The following TLE4 variants were observed in gnomAD, a reference collection of about 807,000 sequenced individuals.
The protein encoded by TLE4 is transducin-like enhancer protein 4.
Under a neutral mutation model 92.8 loss-of-function variants are expected in TLE4, and 8 were observed. The ratio of observed to expected loss-of-function variants is 0.09; its 90% CI spans 0.05 to 0.16. TLE4 has a LOEUF of 0.16. Among genes scored for constraint, TLE4 ranks in the 10% least tolerant of loss-of-function variants. The pLI, the probability that TLE4 is intolerant of heterozygous loss-of-function variation, is 1.00. For synonymous variants in TLE4, 371 were observed against 374.1 expected, an observed-to-expected ratio of 0.99 and a Z score of 0.10; for missense variants, 675 against 997.6, an observed-to-expected ratio of 0.68 and a Z score of 4.36.
chr9:79,609,794 T>A (rs1273594244), intron 4 of TLE4, among the ~76,000 whole-genome samples: 2 of 152,100 alleles, frequency 1.3e-5, no homozygotes, highest in African/African-American at 4.8e-5. Context: ...TTAAATGGGC[T>A]ATCTGTGAAT....
chr9:79,702,248 C>G (rs1181798221), intron 8 of TLE4, among the ~76,000 whole-genome samples: 1 of 152,042 alleles, frequency 6.6e-6, no homozygotes, highest in African/African-American at 2.4e-5. Flanking sequence ...GAATTTTTTT[C>G]CCCCTGTGAA....
chr9:79,693,691 C>T (rs780255598), intron 8 of TLE4: 4 of 513,540 alleles, frequency 7.8e-6, no homozygotes, highest in Non-Finnish European at 1.6e-5. Flanking sequence ...TTTAATCTTC[C>T]TTCATTTGTT....
chr9:79,679,950 G>A (rs968672080), intron 8 of TLE4, among the ~76,000 whole-genome samples: 15 of 151,948 alleles, frequency 9.9e-5, no homozygotes, highest in African/African-American at 2.7e-4. Flanking sequence ...TATTTCTGAG[G>A]GCTCTGTTCT....
At chr9:79,577,819 C>T (rs2038365554) in intron 4 of TLE4, among the ~76,000 whole-genome samples, 1 of 152,170 alleles carries the variant, frequency 6.6e-6, no homozygotes, top group South Asian at 2.1e-4. Flanking sequence ...ATCTACATTT[C>T]TAAGAGGCAC....
Position 79,666,037 on chromosome 9 carries a change from A to G in TLE4, c.609+11962A>G, listed in dbSNP as rs567710494. ...AGCACAATTTTTTATGCCAAGAACT[A>G]AAAATCTGTAGACACTGGTGGTAAA... On this transcript the variant is annotated intron_variant, in intron 8 of 19. Transcript: ENST00000376552. Among the ~76,000 whole-genome samples, 9 of 152,250 alleles carry G rather than the reference A, an allele frequency of 5.9e-5. No individual in the cohort carries two copies. In the East Asian group the frequency reaches 1.3e-3, roughly 23 times the overall value.
At chr9:79,613,997 A>T (rs1163945531) in intron 5 of TLE4, among the ~76,000 whole-genome samples, 1 of 152,096 alleles carries the variant, frequency 6.6e-6, no homozygotes, top group Non-Finnish European at 1.5e-5. Context: ...ACCACCAGTC[A>T]TGTCCCCATT....
intron 1 of TLE4, chr9:79,573,290 G>C: frequency 9.7e-7 from 1 of 1,030,922 alleles, no homozygotes; most frequent in Non-Finnish European, 1.2e-6. Flanking sequence ...AGAGGGTGGC[G>C]GCCGCCTCCC....
chr9:79,680,640 A>C (rs375906725), intron 8 of TLE4, among the ~76,000 whole-genome samples: 27 of 152,268 alleles, frequency 1.8e-4, no homozygotes, highest in East Asian at 3.9e-4. Flanking sequence ...CCTGATTGCC[A>C]TGGCCAGAAC....
At chr9:79,647,997 T>A (rs1452192545) in intron 6 of TLE4, among the ~76,000 whole-genome samples, 1 of 151,810 alleles carries the variant, frequency 6.6e-6, no homozygotes, top group Non-Finnish European at 1.5e-5. Context: ...GTGTGTTGAT[T>A]AGTAGTAAAG....
intron 4 of TLE4, among the ~76,000 whole-genome samples, chr9:79,600,548 G>C (rs2045363027): frequency 6.6e-6 from 1 of 152,192 alleles, no homozygotes; most frequent in African/African-American, 2.4e-5. Context: ...CCCTCCTACA[G>C]TGTGAGAGTA....
At chr9:79,644,839 T>C (rs1306640630) in intron 6 of TLE4, among the ~76,000 whole-genome samples, 1 of 152,204 alleles carries the variant, frequency 6.6e-6, no homozygotes, top group Admixed American at 6.5e-5. Context: ...CCTGGTTGGA[T>C]TGAGGCACAC....
chr9:79,701,592 A>G (rs1206229010), intron 8 of TLE4, among the ~76,000 whole-genome samples: 1 of 152,232 alleles, frequency 6.6e-6, no homozygotes, highest in East Asian at 1.9e-4. Flanking sequence ...GAAATTAGCC[A>G]GATTTAGTGC....
At chr9:79,669,283 G>A (rs920885816) in intron 8 of TLE4, among the ~76,000 whole-genome samples, 2 of 152,038 alleles carry the variant, frequency 1.3e-5, no homozygotes, top group African/African-American at 4.8e-5. Flanking sequence ...TTGTTTAAAA[G>A]CCAGCAAAAC....
chr9:79,694,843 TA>T (rs1250264026), intron 8 of TLE4, among the ~76,000 whole-genome samples: 2 of 151,238 alleles, frequency 1.3e-5, no homozygotes, highest in Non-Finnish European at 2.9e-5. Context: ...CCTTGGGGGA[TA>T]AACATTTCAA....
chr9:79,664,805 G>C (rs560458155), intron 8 of TLE4, among the ~76,000 whole-genome samples: 1 of 152,196 alleles, frequency 6.6e-6, no homozygotes, highest in Non-Finnish European at 1.5e-5. Flanking sequence ...GTCAATACCA[G>C]ATGTTCACTT....
chr9:79,678,616 TTC>T (rs2063750181), intron 8 of TLE4, among the ~76,000 whole-genome samples: 1 of 102,948 alleles, frequency 9.7e-6, no homozygotes, highest in Admixed American at 1.1e-4. Flanking sequence ...ATTATTGTTT[TTC>T]TTTTTTTTTT....
At chr9:79,604,675 A>G (rs1260040754) in intron 4 of TLE4, among the ~76,000 whole-genome samples, 1 of 152,162 alleles carries the variant, frequency 6.6e-6, no homozygotes, top group South Asian at 2.1e-4. Context: ...AGGAAAGACC[A>G]AAAAATAGAG....
chr9:79,678,192 TTCA>T (rs2063650745), intron 8 of TLE4, among the ~76,000 whole-genome samples: 1 of 152,138 alleles, frequency 6.6e-6, no homozygotes, highest in Non-Finnish European at 1.5e-5. Context: ...GATAATGATC[TTCA>T]TCAAGTTATG....
At chr9:79,681,221 A>G (rs574681775) in intron 8 of TLE4, among the ~76,000 whole-genome samples, 105 of 152,182 alleles carry the variant, frequency 6.9e-4, no homozygotes, top group Non-Finnish European at 7.8e-4. Context: ...ACATCCAAAA[A>G]TTAAGATTTA....
Sources: allele counts gnomAD v4.1 joint callset (sites outside exome capture counted in the v4.1 genomes callset), GRCh38; gene constraint gnomAD v4.1.1; transcripts MANE v1.5; gene names NCBI Gene and HGNC (gene_info 2026-07-23, HGNC 2026-07-21).